INPP5F: variants seen among roughly 807,000 people sequenced by gnomAD.
INPP5F encodes the protein phosphatidylinositide 4-phosphatase SAC2.
A neutral mutation model predicts 137.2 loss-of-function variants in INPP5F; 97 were observed. The observed-to-expected ratio is 0.71, with a 90% confidence interval of 0.60 to 0.84. The LOEUF (loss-of-function observed/expected upper bound fraction) is 0.84. INPP5F is among the 40% of genes least tolerant of loss of function. The pLI is 0.00. For missense variants in INPP5F, 1,271 were observed against 1,371.9 expected, an observed-to-expected ratio of 0.93 and a Z score of 1.16; for synonymous variants, 504 against 476.9, an observed-to-expected ratio of 1.06 and a Z score of -0.74.
chr10:119,770,918 AAAATAAAT>A (rs922227661), intron 2 of INPP5F, among the ~76,000 whole-genome samples: 1 of 152,068 alleles, frequency 6.6e-6, no homozygotes, highest in African/African-American at 2.4e-5. Flanking sequence ...GATTTTTTTG[AAAATAAAT>A]AAATAAATAA....
In INPP5F at chr10:119,826,900, T is replaced by C; in HGVS notation, c.2519T>C (p.Met840Thr). The change falls in exon 20 of 20, where the codon ATG (methionine) becomes ACG (threonine). Residue 840 changes from methionine to threonine, a missense_variant. Met to Thr is a moderately conservative substitution (Grantham distance 81, BLOSUM62 -1). Transcript: ENST00000650623. ...GAAACTATGGAAAACACAGGAGTGA[T>C]GGATAAGGTTCAGGCAGAGTCTGAT... ...SLETMENTGVMDKVQAESDGD... is the reference protein window; with the variant it reads ...SLETMENTGVTDKVQAESDGD... The C allele has an allele frequency of 6.2e-7, 1 of 1,614,128 alleles. No individual in the cohort carries two copies. Among genetic ancestry groups the C allele is most frequent in the Non-Finnish European group, 8.5e-7 (1 of 1,179,992 alleles).
At position 119,760,286 on chromosome 10, in the gene INPP5F, G is replaced by A. The variant is rs919011831; in HGVS notation, c.178+9130G>A. Among the ~76,000 whole-genome samples, 12 of 152,198 alleles carry A rather than the reference G, an allele frequency of 7.9e-5. No homozygotes were observed. In the South Asian group the frequency reaches 1.7e-3, roughly 21 times the overall value. On this transcript the variant is annotated intron_variant, in intron 2 of 19. Transcript: ENST00000650623. ...TTGTTTTCTAGCCTCAGAAAGAGGG[G>A]AGGAAAGCTGGGTGCAGTGGCGCGT...
At chr10:119,777,398 C>T (rs560685333) in intron 2 of INPP5F, among the ~76,000 whole-genome samples, 127 of 152,236 alleles carry the variant, frequency 8.3e-4, no homozygotes, top group Middle Eastern at 3.4e-3. Context: ...TGGTGGCGGG[C>T]GCCTGTAGTC....
chr10:119,759,020 C>T (rs1172984435), intron 2 of INPP5F, among the ~76,000 whole-genome samples: 1 of 152,148 alleles, frequency 6.6e-6, no homozygotes, highest in East Asian at 1.9e-4. Flanking sequence ...CTGGAAACCC[C>T]ACTCCTTAAG....
At chr10:119,763,884 C>T (rs72826407) in intron 2 of INPP5F, among the ~76,000 whole-genome samples, 2,515 of 152,262 alleles carry the variant, frequency 0.017, 34 homozygotes, top group Middle Eastern at 0.034. Flanking sequence ...TTAAGTCCTC[C>T]CTTCCACAAA....
In INPP5F at chr10:119,796,833, C is replaced by A. The variant is rs748932452; in HGVS notation, c.788C>A (p.Pro263His). The change falls in exon 7 of 20, where the codon CCT becomes CAT. Residue 263 changes from proline (P) to histidine (H), a missense_variant. Around this residue, in one of 6 missense-constraint regions of INPP5F, gnomAD observed 593 missense variants for 712.4 expected, o/e 0.83. Transcript: ENST00000650623. ...GAGAAAAGCAGCCCAGAGACCCCCC[C>A]TCAGGAGTCCACCTGTGTAGATGAT... Reference protein sequence around the residue: ...DDEKSSPETPPQESTCVDDIH... With the variant: ...DDEKSSPETPHQESTCVDDIH... The A allele has an allele frequency of 5.0e-6, 8 of 1,613,670 alleles. No homozygotes were observed. Among genetic ancestry groups the A allele is most frequent in the African/African-American group, 4.0e-5 (3 of 74,920 alleles).
chr10:119,743,780 C>G (rs888254096), intron 1 of INPP5F, among the ~76,000 whole-genome samples: 2 of 152,096 alleles, frequency 1.3e-5, no homozygotes, highest in Non-Finnish European at 2.9e-5. Flanking sequence ...ATATTTATCC[C>G]TTTTTAATGC....
At chr10:119,784,780 T>A (rs1460283624) in intron 3 of INPP5F, among the ~76,000 whole-genome samples, 1 of 152,238 alleles carries the variant, frequency 6.6e-6, no homozygotes, top group Non-Finnish European at 1.5e-5. Flanking sequence ...GTCATGTGGT[T>A]ATCACCACAA....
At chr10:119,761,311 A>G (rs556298916) in intron 2 of INPP5F, among the ~76,000 whole-genome samples, 1 of 152,354 alleles carries the variant, frequency 6.6e-6, no homozygotes, top group African/African-American at 2.4e-5. Context: ...TTAGTAAGGA[A>G]CAGAGCAACC....
In INPP5F at chr10:119,805,351, A is replaced by C. The variant is rs751851295; in HGVS notation, c.1242-33A>C. ...TTTAAAAAAATCTATGATTAAATTA[A>C]AGATTTTTTCTTTCTTTTGGCATGG... is the stretch of plus-strand genomic sequence containing the variant. On this transcript the variant is annotated intron_variant, in intron 10 of 19. Transcript: ENST00000650623. 3.2e-6 allele frequency: 5 copies of C among 1,540,186 alleles called. No individual in the cohort carries two copies. The Admixed American group carries it at 8.7e-5, about 27-fold the overall frequency.
chr10:119,828,239 A>C lies in INPP5F; in HGVS notation c.*459A>C, dbSNP rs1335883511. ...TTTAGTGACTTTAACATGTTACTGA[A>C]GCATTTGAATATAAAGCTATTTTAG... On this transcript the variant is annotated 3_prime_UTR_variant, in exon 20 of 20. Coordinates refer to ENST00000650623, the MANE Select transcript of INPP5F (RefSeq NM_014937.4). 1 of 154,198 alleles carries C rather than the reference A, an allele frequency of 6.5e-6. No homozygotes were observed. Among genetic ancestry groups the C allele is most frequent in the Non-Finnish European group, 1.4e-5 (1 of 69,410 alleles). 9.6% of individuals were successfully genotyped at this position (154,198 alleles called of 1,614,324 possible).
At chr10:119,804,757 T>C (rs942460172) in intron 10 of INPP5F, among the ~76,000 whole-genome samples, 1 of 152,052 alleles carries the variant, frequency 6.6e-6, no homozygotes, top group African/African-American at 2.4e-5. Flanking sequence ...GGTCTCACTC[T>C]GTCGCCCAGG....
At chr10:119,823,483 T>C (rs745698658) in intron 18 of INPP5F, among the ~76,000 whole-genome samples, 4 of 152,220 alleles carry the variant, frequency 2.6e-5, no homozygotes, top group Non-Finnish European at 5.9e-5. Flanking sequence ...TCACATGTCA[T>C]GTTCTTTTCA....
intron 9 of INPP5F, among the ~76,000 whole-genome samples, chr10:119,802,153 A>G (rs1438374374): frequency 6.6e-6 from 1 of 152,136 alleles, no homozygotes; most frequent in Non-Finnish European, 1.5e-5. Flanking sequence ...TTCTGGGAAC[A>G]GGTTTTCTGC....
chr10:119,810,194 ATGCTT>A lies in INPP5F; in HGVS notation c.1665_1669del (p.Asp555GlufsTer2). On this transcript the variant is annotated frameshift_variant, in exon 14 of 20. Transcript: ENST00000650623. LOFTEE classifies it high-confidence loss of function. ...AGATATTACCTCAACCGATTTAAGGATGCTTATAGGCAAGCTGTTATAGGTAAGAA... is the reference window on the plus strand; with the variant it reads ...AGATATTACCTCAACCGATTTAAGGAATAGGCAAGCTGTTATAGGTAAGAA... The A allele has an allele frequency of 6.2e-7, 1 of 1,607,000 alleles. No individual in the cohort carries two copies. Among genetic ancestry groups the A allele is most frequent in the Non-Finnish European group, 8.5e-7 (1 of 1,173,706 alleles).
chr10:119,768,739 C>T (rs1054793293), intron 2 of INPP5F, among the ~76,000 whole-genome samples: 3 of 152,138 alleles, frequency 2.0e-5, no homozygotes, highest in African/African-American at 7.2e-5. Context: ...AGTATTAGAG[C>T]ATACTAAAGG....
At chr10:119,824,328 TTAA>T (rs2134303270) in intron 19 of INPP5F, among the ~76,000 whole-genome samples, 1 of 152,364 alleles carries the variant, frequency 6.6e-6, no homozygotes, top group Non-Finnish European at 1.5e-5. Flanking sequence ...TCTCTGTAGT[TTAA>T]TGTTATTTCC....
chr10:119,779,087 C>T (rs1849616951), intron 2 of INPP5F, among the ~76,000 whole-genome samples: 2 of 152,122 alleles, frequency 1.3e-5, no homozygotes, highest in African/African-American at 4.8e-5. Context: ...TGGTTCTCTC[C>T]TCTTCTTGTT....
intron 1 of INPP5F, among the ~76,000 whole-genome samples, chr10:119,735,641 T>C (rs1339572291): frequency 3.3e-5 from 5 of 152,166 alleles, no homozygotes; most frequent in Admixed American, 6.6e-5. Context: ...GGAGCAACTG[T>C]GGTGGGTGGA....
Sources: allele counts gnomAD v4.1 joint callset (sites outside exome capture counted in the v4.1 genomes callset), GRCh38; gene constraint gnomAD v4.1.1; regional missense constraint gnomAD v4.1.1; transcripts MANE v1.5; gene names NCBI Gene and HGNC (gene_info 2026-07-23, HGNC 2026-07-21).